SCNN1D: variants seen among roughly 807,000 people sequenced by gnomAD.
The protein encoded by SCNN1D is sodium channel epithelial 1 subunit delta.
A neutral mutation model predicts 87.8 loss-of-function variants in SCNN1D; 104 were observed. That is an observed-to-expected ratio of 1.18 (90% confidence interval 1.01 to 1.39). The LOEUF is 1.39. Among genes scored for constraint, SCNN1D ranks in the 40% most tolerant of loss-of-function variants. The pLI is 0.00. For synonymous variants in SCNN1D, 628 were observed against 481.2 expected (o/e 1.31, Z -3.99); for missense variants, 1,324 against 1,093.9 (o/e 1.21, Z -2.97).
At position 1,286,968 on chromosome 1, in the gene SCNN1D, T is replaced by TCAGA. The variant is rs1290359708; in HGVS notation, c.1114_1117dup (p.Leu373GlnfsTer104). ...TCGGGCAGCCGGGTCAGAGTGGGGT[T>TCAGA]CAGACTGGTGAGTGTCCCAGCCGGG... On this transcript the variant is annotated frameshift_variant, in exon 8 of 18. Transcript: ENST00000379116. LOFTEE classifies it high-confidence loss of function. 1 of 1,611,436 alleles carries TCAGA rather than the reference T, an allele frequency of 6.2e-7. No individual in the cohort carries two copies. The highest frequency in any genetic ancestry group is 8.5e-7 in the Non-Finnish European group (1 of 1,179,378).
At chr1:1,282,357 G>A in intron 4 of SCNN1D, 42 bp downstream of exon 4, 2 of 1,546,950 alleles carry the variant, frequency 1.3e-6, no homozygotes, top group East Asian at 2.4e-5. Context: ...CTCTGCTGCT[G>A]GACCCTGTGG....
At chr1:1,281,318 G>C (rs1045698393) in intron 2 of SCNN1D, 21 bp downstream of exon 2, 1 of 1,535,442 alleles carries the variant, frequency 6.5e-7, no homozygotes, top group Non-Finnish European at 8.7e-7. Context: ...AGCCATGCTC[G>C]GTCAATGGGG....
intron 7 of SCNN1D, 25 bp from the exon 8 acceptor site, chr1:1,286,743 C>G: frequency 2.5e-6 from 4 of 1,606,848 alleles, no homozygotes; most frequent in South Asian, 1.1e-5. Flanking sequence ...GCCGGCAACT[C>G]TGACTCCAGG....
In SCNN1D at chr1:1,287,011, C is replaced by T. The variant is rs1457204320; in HGVS notation, c.1119+36C>T. 3.1e-6 allele frequency: 5 copies of T among 1,598,474 alleles called. No individual in the cohort carries two copies. In the East Asian group the frequency reaches 1.1e-4, roughly 36 times the overall value. On this transcript the variant is annotated intron_variant, in intron 8 of 17. Transcript: ENST00000379116. ...CAGCCGGGGCCTGCAGCCATCAGGG[C>T]CTTGAGCTGGGAGCACGGCCCTGCG... is the stretch of plus-strand genomic sequence containing the variant.
intron 11 of SCNN1D, 23 bp downstream of exon 11, chr1:1,287,859 C>T (rs772661669): frequency 1.3e-6 from 2 of 1,521,154 alleles, no homozygotes; most frequent in Non-Finnish European, 8.9e-7. Context: ...CTGCAGCCAA[C>T]CTCCGGCCCA....
At position 1,287,687 on chromosome 1, in the gene SCNN1D, C is replaced by A; in HGVS notation, c.1414C>A (p.Leu472Ile). The change falls in exon 11 of 18, where the codon CTC (leucine) becomes ATC (isoleucine). Residue 472 changes from leucine (L) to isoleucine (I), a missense_variant. Coordinates refer to ENST00000379116, the MANE Select transcript of SCNN1D (RefSeq NM_001130413.4). Reference protein sequence around the residue: ...PGITHGVGLVLRVEQQPHLPL... With the variant: ...PGITHGVGLVIRVEQQPHLPL... ...TGGCCTCCCAGGAGTCGGCCTGGTC[C>A]TCAGGGTTGAGCAGCAGCCTCACCT... 1 of 1,611,564 alleles carries A rather than the reference C, an allele frequency of 6.2e-7. No individual in the cohort carries two copies. Among genetic ancestry groups the A allele is most frequent in the Non-Finnish European group, 8.5e-7 (1 of 1,179,432 alleles).
At chr1:1,283,218 C>T (rs1330563583) in intron 4 of SCNN1D, among the ~76,000 whole-genome samples, 1 of 152,180 alleles carries the variant, frequency 6.6e-6, no homozygotes, top group Admixed American at 6.5e-5. Context: ...GAGCAGGTGC[C>T]TTCTCCACAC....
At chr1:1,290,871 C>G (rs933590705) in intron 15 of SCNN1D, 24 bp from the exon 16 acceptor site, 1 of 1,607,878 alleles carries the variant, frequency 6.2e-7, no homozygotes, top group African/African-American at 1.3e-5. Flanking sequence ...GGAGCCGTGG[C>G]CACAGCAAAC....
At position 1,281,526 on chromosome 1, in the gene SCNN1D, C is replaced by G; in HGVS notation, c.193C>G (p.Pro65Ala). Reference sequence around the variant, plus strand: ...GGGATGGCCCAGAAGAGGGGGAGGACCATGTGGATTCACCAGTGCTGGACA... The same window carrying G: ...GGGATGGCCCAGAAGAGGGGGAGGAGCATGTGGATTCACCAGTGCTGGACA... ...ARGWPRRGGGPCGFTSAGHVL... is the reference protein window; with the variant it reads ...ARGWPRRGGGACGFTSAGHVL... The change falls in exon 3 of 18, where the codon CCA (proline) becomes GCA (alanine). Residue 65 changes from proline to alanine, a missense_variant. By Grantham distance (27) the Pro-to-Ala change is conservative (BLOSUM62 -1). Transcript: ENST00000379116. 6.5e-7 allele frequency: 1 copy of G among 1,535,574 alleles called. No homozygotes were observed. Among genetic ancestry groups the G allele is most frequent in the Non-Finnish European group, 8.7e-7 (1 of 1,146,672 alleles).
At position 1,291,253 on chromosome 1, in the gene SCNN1D, G is replaced by A. The variant is rs750040375; in HGVS notation, c.2053-1G>A. On this transcript the variant is annotated splice_acceptor_variant, in intron 17 of 17. Transcript: ENST00000379116. LOFTEE classifies it high-confidence loss of function. ...CCCTCACACCCGCACCCCACCCGCA[G>A]GTGCCGCAGCTGCTCTCGGCCATGG... 1 of 1,559,696 alleles carries A rather than the reference G, an allele frequency of 6.4e-7. No individual in the cohort carries two copies. Among genetic ancestry groups the A allele is most frequent in the Admixed American group, 1.9e-5 (1 of 52,058 alleles).
In SCNN1D at chr1:1,286,022, T is replaced by C; in HGVS notation, c.655T>C (p.Ser219Pro). 1.3e-6 allele frequency: 2 copies of C among 1,566,554 alleles called. No individual in the cohort carries two copies. Among genetic ancestry groups the C allele is most frequent in the South Asian group, 2.3e-5 (2 of 86,082 alleles). ...HQEGLVELPA[S>P]FRELLTFFCT... ...GGAGGGGCTGGTGGAGCTGCCCGCC[T>C]CGTTCCGGGAGCTGCTCACCTTCTT... The change falls in exon 7 of 18, where the codon TCG becomes CCG. Residue 219 changes from serine to proline, a missense_variant. Coordinates refer to ENST00000379116, the MANE Select transcript of SCNN1D (RefSeq NM_001130413.4).
rs776999110 is a variant in SCNN1D at position 1,286,274 on chromosome 1, C to T, written c.907C>T (p.Arg303Cys). ...GGTCACCCTGTGTGACGGGAACCCA[C>T]GTCGGTGAGGGCCAGGGCTGTCGGC... ...PLVTLCDGNP[R>C]RPSPVLRHLE... The change falls in exon 7 of 18, where the codon CGT becomes TGT. Residue 303 changes from arginine (R) to cysteine (C), a missense_variant. Coordinates refer to ENST00000379116, the MANE Select transcript of SCNN1D (RefSeq NM_001130413.4). 14 of 1,577,988 alleles carry T rather than the reference C, an allele frequency of 8.9e-6. No individual in the cohort carries two copies. Among genetic ancestry groups the T allele is most frequent in the Non-Finnish European group, 1.1e-5 (13 of 1,166,668 alleles).
intron 4 of SCNN1D, 151 bp from the exon 5 acceptor site, chr1:1,283,827 C>A: frequency 2.3e-6 from 1 of 438,664 alleles, no homozygotes; most frequent in Non-Finnish European, 4.0e-6. Context: ...CCCTGCAGGG[C>A]TCAGGATGGG....
Position 1,284,037 on chromosome 1 carries a change from C to G in SCNN1D, c.411C>G (p.Thr137=), listed in dbSNP as rs767962107. ...SCQLPPQWLS[T]EAWTGEWKQP... ...AGCTGCCCCCGCAATGGCTGAGCAC[C>G]GAAGCATGGACGGGAGAATGGAAGC... Residue 137 remains threonine (T), a synonymous_variant, in exon 5 of 18, where the codon ACC becomes ACG. Transcript: ENST00000379116. 1.2e-5 allele frequency: 17 copies of G among 1,392,558 alleles called. No homozygotes were observed. The African/African-American group carries it at 1.4e-4, about 11-fold the overall frequency. The allele number at this position is 1,392,558 out of a possible 1,614,324, so 86.3% of individuals were successfully genotyped here. A position where few individuals can be genotyped will look rare whatever the true frequency, so the allele number is the denominator to read the frequency against.
In SCNN1D at chr1:1,287,123, C is replaced by A. The variant is rs143433846; in HGVS notation, c.1134C>A (p.Gly378=). Reference sequence around the variant, plus strand: ...CCCTCTCCCAGTGCAACAGCACGGGCGGCGACTGCTTTTACCGAGGCTACA... The same window carrying A: ...CCCTCTCCCAGTGCAACAGCACGGGAGGCGACTGCTTTTACCGAGGCTACA... ...RVGFRLCNST[G]GDCFYRGYTS... is the part of the protein sequence containing the mutation. Residue 378 remains glycine (G), a synonymous_variant, in exon 9 of 18, where the codon GGC becomes GGA. Transcript: ENST00000379116. The A allele has an allele frequency of 1.3e-6, 2 of 1,595,250 alleles. No individual in the cohort carries two copies. Among genetic ancestry groups the A allele is most frequent in the Non-Finnish European group, 8.6e-7 (1 of 1,167,188 alleles).
intron 12 of SCNN1D, among the ~76,000 whole-genome samples, chr1:1,288,274 C>CCCGTGT (rs1640665820): frequency 3.4e-5 from 2 of 58,884 alleles, no homozygotes; most frequent in Non-Finnish European, 2.5e-5. Context: ...TCTGCTCCGT[C>CCCGTGT]CCCCGAGTCT....
chr1:1,290,566 G>C lies in SCNN1D; in HGVS notation c.1859+11G>C, dbSNP rs750186422. The C allele has an allele frequency of 1.2e-6, 2 of 1,612,640 alleles. No homozygotes were observed. Among genetic ancestry groups the C allele is most frequent in the Admixed American group, 3.3e-5 (2 of 60,006 alleles). On this transcript the variant is annotated intron_variant, in intron 14 of 17. Coordinates refer to ENST00000379116, the MANE Select transcript of SCNN1D (RefSeq NM_001130413.4). Reference sequence around the variant, plus strand: ...CCCCAGGCCCTGCAGGTGAGACGGGGGTGTTGGGGTCGCGGCCAGGGATCA... The same window carrying C: ...CCCCAGGCCCTGCAGGTGAGACGGGCGTGTTGGGGTCGCGGCCAGGGATCA...
chr1:1,285,096 C>G (rs1188519620), intron 5 of SCNN1D, among the ~76,000 whole-genome samples: 1 of 152,204 alleles, frequency 6.6e-6, no homozygotes, highest in Non-Finnish European at 1.5e-5. Context: ...TGGTGGAGCT[C>G]CTGGCCAGGC....
Position 1,286,860 on chromosome 1 carries a change from G to C in SCNN1D, c.1004G>C (p.Arg335Thr), listed in dbSNP as rs1419717950. Residue 335 changes from arginine to threonine, a missense_variant, in exon 8 of 18, where the codon AGA becomes ACA. Transcript: ENST00000379116. ...TACAACGTCAACCTCAGCAAAGGCA[G>C]AGCCGCCCTCTCCGCCACTGTCCCC... is the stretch of plus-strand genomic sequence containing the variant. ...SLYNVNLSKGRAALSATVPRH... is the reference protein window; with the variant it reads ...SLYNVNLSKGTAALSATVPRH... 1.9e-6 allele frequency: 3 copies of C among 1,612,526 alleles called. No homozygotes were observed. The highest frequency in any genetic ancestry group is 3.3e-5 in the Admixed American group (2 of 59,988).
Sources: allele counts gnomAD v4.1 joint callset (sites outside exome capture counted in the v4.1 genomes callset), GRCh38; gene constraint gnomAD v4.1.1; transcripts MANE v1.5; gene names NCBI Gene and HGNC (gene_info 2026-07-23, HGNC 2026-07-21).